The following CUL1 variants were observed in gnomAD, a reference collection of about 807,000 sequenced individuals.
CUL1 encodes cullin 1.
Under a neutral mutation model 118.0 loss-of-function variants are expected in CUL1, and 24 were observed. The observed-to-expected ratio is 0.20, with a 90% CI of 0.15 to 0.29. The LOEUF is 0.29. CUL1 is among the 10% of genes least tolerant of loss of function. The pLI, the probability that CUL1 is intolerant of heterozygous loss-of-function variation, is 1.00. For synonymous variants in CUL1, 332 were observed against 340.4 expected (o/e 0.98, Z 0.27); for missense variants, 361 against 933.8 (o/e 0.39, Z 7.99).
chr7:148,718,300 T>C (rs1487385242), intron 1 of CUL1, among the ~76,000 whole-genome samples: 2 of 152,376 alleles, frequency 1.3e-5, no homozygotes, highest in Non-Finnish European at 1.5e-5. Context: ...GTTAGAGTTG[T>C]GTGGCCATCA....
chr7:148,746,034 G>A (rs532434857), intron 2 of CUL1, among the ~76,000 whole-genome samples: 7 of 152,240 alleles, frequency 4.6e-5, no homozygotes, highest in Non-Finnish European at 7.4e-5. Flanking sequence ...CTTTTAAGAA[G>A]CATTCGTTTT....
At chr7:148,767,804 G>A in intron 9 of CUL1, 55 bp downstream of exon 9, 1 of 1,561,366 alleles carries the variant, frequency 6.4e-7, no homozygotes, top group Non-Finnish European at 8.8e-7. Context: ...CATGCGAACT[G>A]CAAGCATATG....
intron 2 of CUL1, among the ~76,000 whole-genome samples, chr7:148,738,958 G>T (rs369004614): frequency 5.9e-5 from 9 of 152,148 alleles, no homozygotes; most frequent in African/African-American, 1.9e-4. Context: ...GTGGCATTGT[G>T]GGGGGCGGTG....
At chr7:148,753,136 A>G (rs1278520785) in intron 2 of CUL1, among the ~76,000 whole-genome samples, 2 of 152,226 alleles carry the variant, frequency 1.3e-5, no homozygotes, top group Admixed American at 6.5e-5. Context: ...CATGCCATTT[A>G]TTAGATAATC....
At chr7:148,738,951 G>T (rs1383938608) in intron 2 of CUL1, among the ~76,000 whole-genome samples, 1 of 152,186 alleles carries the variant, frequency 6.6e-6, no homozygotes, top group Non-Finnish European at 1.5e-5. Flanking sequence ...GGTGAGTGTG[G>T]CATTGTGGGG....
At chr7:148,730,843 G>A (rs998400194) in intron 2 of CUL1, among the ~76,000 whole-genome samples, 2 of 151,994 alleles carry the variant, frequency 1.3e-5, no homozygotes, top group Admixed American at 1.3e-4. Context: ...ACAAGGTCTC[G>A]CTCTGTCACC....
chr7:148,712,967 T>A (rs1798097502), intron 1 of CUL1, among the ~76,000 whole-genome samples: 1 of 152,164 alleles, frequency 6.6e-6, no homozygotes, highest in Admixed American at 6.5e-5. Context: ...GAAAAAAAAA[T>A]GCACTGAGTA....
intron 20 of CUL1, among the ~76,000 whole-genome samples, 163 bp downstream of exon 20, chr7:148,798,840 T>C (rs955954550): frequency 2.0e-5 from 3 of 152,124 alleles, no homozygotes; most frequent in Admixed American, 1.3e-4. Context: ...GGCCTTGTTA[T>C]CTGAATTAGT....
intron 2 of CUL1, 69 bp from the exon 3 acceptor site, chr7:148,753,907 G>A (rs546357959): frequency 8.1e-7 from 1 of 1,227,316 alleles, no homozygotes; most frequent in Non-Finnish European, 1.1e-6. Context: ...TGAAATATAA[G>A]AAAATATGTT....
chr7:148,749,262 C>T (rs243490), intron 2 of CUL1, among the ~76,000 whole-genome samples: 3 of 151,254 alleles, frequency 2.0e-5, no homozygotes, highest in African/African-American at 4.9e-5. Flanking sequence ...ACTAAAAATA[C>T]GAAAATTAGC....
intron 1 of CUL1, among the ~76,000 whole-genome samples, chr7:148,719,948 C>T (rs1798348577): frequency 2.0e-5 from 3 of 152,220 alleles, no homozygotes; most frequent in Admixed American, 2.0e-4. Context: ...GCATGGGTAA[C>T]ACCTCTGAGC....
intron 2 of CUL1, among the ~76,000 whole-genome samples, chr7:148,746,772 A>G (rs1007845689): frequency 6.6e-6 from 1 of 152,230 alleles, no homozygotes; most frequent in Non-Finnish European, 1.5e-5. Context: ...ATGAAAATGC[A>G]TTCTAGTTGG....
At chr7:148,793,283 G>C (rs1236648270) in intron 17 of CUL1, among the ~76,000 whole-genome samples, 1 of 151,964 alleles carries the variant, frequency 6.6e-6, no homozygotes, top group Non-Finnish European at 1.5e-5. Flanking sequence ...TTTCCTGCTA[G>C]CCATATTTTT....
chr7:148,762,677 T>C (rs1799872042), intron 7 of CUL1, among the ~76,000 whole-genome samples: 1 of 152,198 alleles, frequency 6.6e-6, no homozygotes, highest in Non-Finnish European at 1.5e-5. Flanking sequence ...AAAGACCTCT[T>C]ATCCAGATGC....
chr7:148,699,531 T>A (rs1295481674), intron 1 of CUL1, among the ~76,000 whole-genome samples: 1 of 152,092 alleles, frequency 6.6e-6, no homozygotes, highest in Non-Finnish European at 1.5e-5. Context: ...CCGACGCGTG[T>A]TCCCCTGTGA....
At chr7:148,720,571 T>C (rs147461885) in intron 1 of CUL1, among the ~76,000 whole-genome samples, 212 of 151,714 alleles carry the variant, frequency 1.4e-3, no homozygotes, top group African/African-American at 4.7e-3. Context: ...ATGAGGAAAA[T>C]AGATAGGATT....
intron 2 of CUL1, among the ~76,000 whole-genome samples, chr7:148,732,412 G>T (rs894955530): frequency 1.4e-5 from 2 of 147,962 alleles, no homozygotes; most frequent in East Asian, 3.9e-4. Context: ...TCATGATCTC[G>T]GCTCACTGCA....
At chr7:148,756,708 C>G (rs1021557386) in intron 3 of CUL1, among the ~76,000 whole-genome samples, 1 of 151,992 alleles carries the variant, frequency 6.6e-6, no homozygotes. Flanking sequence ...AGGAATTACC[C>G]GCATATCAAA....
chr7:148,769,448 C>CACAA (rs991930977), intron 9 of CUL1, among the ~76,000 whole-genome samples: 4 of 131,178 alleles, frequency 3.0e-5, no homozygotes, highest in South Asian at 2.4e-4. Flanking sequence ...CACACACACA[C>CACAA]AAAACGCTCA....
Sources: allele counts gnomAD v4.1 joint callset (sites outside exome capture counted in the v4.1 genomes callset), GRCh38; gene constraint gnomAD v4.1.1; transcripts MANE v1.5; gene names NCBI Gene and HGNC (gene_info 2026-07-23, HGNC 2026-07-21).